JMY: variants seen among roughly 807,000 people sequenced by gnomAD.
JMY encodes junction mediating and regulatory protein, p53 cofactor.
Under a neutral mutation model 103.3 loss-of-function variants are expected in JMY, and 46 were observed. The ratio of observed to expected loss-of-function variants is 0.45; its 90% CI spans 0.35 to 0.57. The LOEUF (loss-of-function observed/expected upper bound fraction) is 0.57, where lower values mean the gene tolerates loss of function less well. Among genes scored for constraint, JMY ranks in the 20% least tolerant of loss-of-function variants. The probability of loss-of-function intolerance (pLI) is 0.00; values close to 1 mark genes in which losing one functional copy is unlikely to be tolerated. For synonymous variants in JMY, 526 were observed against 489.3 expected, an observed-to-expected ratio of 1.07 and a Z score of -0.99; for missense variants, 1,238 against 1,255.2, an observed-to-expected ratio of 0.99 and a Z score of 0.21.
chr5:79,306,357 C>T lies in JMY; in HGVS notation c.1882-18C>T, dbSNP rs1032529843. The stretch of plus-strand genomic sequence containing the variant: ...TTCAAGTTTCACTTGTATTAAAACA[C>T]ATTTTATGTATTTACAGGAAATATG... On this transcript the variant is annotated intron_variant, in intron 6 of 10. Transcript: ENST00000396137. The T allele has an allele frequency of 1.3e-6, 2 of 1,568,416 alleles. No homozygotes were observed. Among genetic ancestry groups the T allele is most frequent in the African/African-American group, 2.7e-5 (2 of 73,876 alleles).
At chr5:79,288,138 A>C (rs1187074089) in intron 2 of JMY, among the ~76,000 whole-genome samples, 22 of 152,234 alleles carry the variant, frequency 1.4e-4, no homozygotes, top group Non-Finnish European at 1.5e-5. Context: ...GTTTCCTGTC[A>C]AATTAAATAC....
rs199879072 is a variant in JMY at position 79,258,305 on chromosome 5, G to GTTTTTTTTTTTTTTTTTTTTTTTTTTTTT, written c.1033-19600_1033-19599insTTTTTTTTTTTTTTTTTTTTTTTTTTTTT. ...AAATTCAGATATTAGGGCTTTTTTT[G>GTTTTTTTTTTTTTTTTTTTTTTTTTTTTT]TTTTTGTTGTTTTTTTTTTTTTTTT... On this transcript the variant is annotated intron_variant, in intron 1 of 10. Transcript: ENST00000396137. Among the ~76,000 whole-genome samples the GTTTTTTTTTTTTTTTTTTTTTTTTTTTTT allele has an allele frequency of 1.7e-5, 2 of 117,026 alleles. 1 individual carries two copies. 76.8% of individuals were successfully genotyped at this position (117,026 alleles called of 152,430 possible).
At chr5:79,261,428 G>A (rs1000496877) in intron 1 of JMY, among the ~76,000 whole-genome samples, 36 of 152,098 alleles carry the variant, frequency 2.4e-4, no homozygotes, top group African/African-American at 7.2e-4. Context: ...ATAGTGGCAC[G>A]TGACTGTAGT....
intron 1 of JMY, among the ~76,000 whole-genome samples, chr5:79,260,084 C>G (rs905260096): frequency 6.6e-6 from 1 of 152,206 alleles, no homozygotes; most frequent in Non-Finnish European, 1.5e-5. Context: ...GGACAGTGGT[C>G]GAGGTACAGG....
At position 79,272,428 on chromosome 5, in the gene JMY, TTTTTC is replaced by T. The variant is rs1367509827; in HGVS notation, c.1033-5472_1033-5468del. 4.6e-5 allele frequency among the ~76,000 whole-genome samples: 7 copies of T among 152,282 alleles called. No individual in the cohort carries two copies. The East Asian group carries it at 5.8e-4, about 13-fold the overall frequency. ...TATATCTTCTGTTTTGGTTTCCTTT[TTTTTC>T]TTTTCTTTTTTTTGACATAGAGGTA... On this transcript the variant is annotated intron_variant, in intron 1 of 10. Transcript: ENST00000396137.
Position 79,325,164 on chromosome 5 carries a change from A to G in JMY, c.*3562A>G, listed in dbSNP as rs1294234164. 3 of 152,592 alleles carry G rather than the reference A, an allele frequency of 2.0e-5. No individual in the cohort carries two copies. In the East Asian group the frequency reaches 5.8e-4, roughly 29 times the overall value. 9.5% of individuals were successfully genotyped at this position (152,592 alleles called of 1,614,324 possible). ...ACCATTTTTAAGTTACAGTCACATG[A>G]GTGTTTGTATAAATTTAAGTCAATG... On this transcript the variant is annotated 3_prime_UTR_variant, in exon 11 of 11. Coordinates refer to ENST00000396137, the MANE Select transcript of JMY (RefSeq NM_152405.5).
chr5:79,295,782 T>G (rs1414047935), intron 4 of JMY, among the ~76,000 whole-genome samples: 1 of 152,172 alleles, frequency 6.6e-6, no homozygotes, highest in Non-Finnish European at 1.5e-5. Context: ...GGCAAGGAGA[T>G]TGGTTTTTAG....
chr5:79,279,454 T>C (rs1746045531), intron 2 of JMY, among the ~76,000 whole-genome samples: 1 of 152,232 alleles, frequency 6.6e-6, no homozygotes, highest in Non-Finnish European at 1.5e-5. Context: ...TATATAAATG[T>C]TGCTGAACTA....
Position 79,237,445 on chromosome 5 carries a change from C to T in JMY, c.795C>T (p.Gly265=). ...CLPVFPEEPS[G]MWTVLFGGAP... ...CGGTGTTCCCCGAGGAACCTTCGGG[C>T]ATGTGGACTGTGCTGTTTGGGGGCG... The change falls in exon 1 of 11, where the codon GGC becomes GGT. Residue 265 remains glycine, a synonymous_variant. Coordinates refer to ENST00000396137, the MANE Select transcript of JMY (RefSeq NM_152405.5). The T allele has an allele frequency of 1.9e-6, 3 of 1,613,834 alleles. No homozygotes were observed. Among genetic ancestry groups the T allele is most frequent in the Non-Finnish European group, 1.7e-6 (2 of 1,179,996 alleles).
At chr5:79,318,270 C>T (rs901688874) in intron 10 of JMY, among the ~76,000 whole-genome samples, 1 of 151,786 alleles carries the variant, frequency 6.6e-6, no homozygotes, top group African/African-American at 2.4e-5. Context: ...CCACCTCAGC[C>T]TCCCAAAGTG....
At position 79,284,046 on chromosome 5, in the gene JMY, TA is replaced by T. The variant is rs1746197073; in HGVS notation, c.1206+5964del. 4 of 855,584 alleles carry T rather than the reference TA, an allele frequency of 4.7e-6. No homozygotes were observed. The Admixed American group carries it at 1.2e-4, about 26-fold the overall frequency. 53.0% of individuals were successfully genotyped at this position (855,584 alleles called of 1,614,324 possible). On this transcript the variant is annotated intron_variant, in intron 2 of 10. Coordinates refer to ENST00000396137, the MANE Select transcript of JMY (RefSeq NM_152405.5). ...ATTAATCCAACAGCAAGGTACAAAT[TA>T]CTTTCTTTTTTTTATTTTTTTATTT...
chr5:79,277,697 T>G (rs1378973585), intron 1 of JMY, among the ~76,000 whole-genome samples: 2 of 151,974 alleles, frequency 1.3e-5, no homozygotes, highest in African/African-American at 4.8e-5. Context: ...GCTCAATACT[T>G]TGAGCCTCAA....
rs1744555382 is a variant in JMY at position 79,237,355 on chromosome 5, C to T, written c.705C>T (p.Phe235=). ...EECSWAGLFS[F]QDLRAVHQQL... ...GCAGCTGGGCCGGACTGTTTTCTTT[C>T]CAGGACCTGCGCGCCGTGCACCAGC... The change falls in exon 1 of 11, where the codon TTC becomes TTT. Residue 235 remains phenylalanine (F), a synonymous_variant. Coordinates refer to ENST00000396137, the MANE Select transcript of JMY (RefSeq NM_152405.5). The T allele has an allele frequency of 6.2e-7, 1 of 1,611,238 alleles. No individual in the cohort carries two copies. Among genetic ancestry groups the T allele is most frequent in the Admixed American group, 1.7e-5 (1 of 59,598 alleles).
chr5:79,276,480 A>G (rs1273266843), intron 1 of JMY, among the ~76,000 whole-genome samples: 1 of 151,972 alleles, frequency 6.6e-6, no homozygotes. Context: ...CCTAGGCTGC[A>G]GTTCTGTGGC....
intron 1 of JMY, among the ~76,000 whole-genome samples, chr5:79,272,337 G>A (rs1166205428): frequency 6.6e-6 from 1 of 152,064 alleles, no homozygotes; most frequent in Non-Finnish European, 1.5e-5. Flanking sequence ...AAATTAAAGA[G>A]TTTAGTCCAT....
At chr5:79,302,281 C>A (rs1195427638) in intron 6 of JMY, among the ~76,000 whole-genome samples, 9 of 152,102 alleles carry the variant, frequency 5.9e-5, no homozygotes, top group Non-Finnish European at 8.8e-5. Flanking sequence ...TTTGAAAATG[C>A]TATGCAATTC....
At chr5:79,274,990 T>C (rs1297213262) in intron 1 of JMY, among the ~76,000 whole-genome samples, 2 of 152,146 alleles carry the variant, frequency 1.3e-5, no homozygotes, top group African/African-American at 2.4e-5. Context: ...GTTCCAGTGA[T>C]CAGCCAGAAA....
rs1395904191 is a variant in JMY at position 79,326,931 on chromosome 5, G to C, written c.*5329G>C. On this transcript the variant is annotated 3_prime_UTR_variant, in exon 11 of 11. Coordinates refer to ENST00000396137, the MANE Select transcript of JMY (RefSeq NM_152405.5). ...CAATTAACATCCTAAAGTATTAAAA[G>C]TACAGAGGAAAAACTAAGCAAGCAT... 1 of 152,162 alleles carries C rather than the reference G, an allele frequency of 6.6e-6. No individual in the cohort carries two copies. The highest frequency in any genetic ancestry group is 1.9e-4 in the East Asian group (1 of 5,192). The allele number at this position is 152,162 out of a possible 1,614,324, so 9.4% of individuals were successfully genotyped here. A position where few individuals can be genotyped will look rare whatever the true frequency, so the allele number is the denominator to read the frequency against.
At chr5:79,280,000 C>T (rs753442661) in intron 2 of JMY, among the ~76,000 whole-genome samples, 14 of 152,148 alleles carry the variant, frequency 9.2e-5, no homozygotes, top group South Asian at 4.1e-4. Context: ...CATGCCACCA[C>T]GCCCAGCTGT....
Sources: gnomAD v4.1 joint callset for allele counts (sites outside exome capture counted in the v4.1 genomes callset) on GRCh38, gnomAD v4.1.1 for gene constraint, MANE v1.5 for transcripts, NCBI Gene and HGNC (gene_info 2026-07-23, HGNC 2026-07-21) for gene names.